Variants in HDAC9 observed in about 807,000 individuals in gnomAD.
HDAC9 encodes histone deacetylase 9.
Under a neutral mutation model 139.4 loss-of-function variants are expected in HDAC9, and 41 were observed. That is an observed-to-expected ratio of 0.29 (90% CI 0.23 to 0.38). The LOEUF (loss-of-function observed/expected upper bound fraction) is 0.38. HDAC9 is among the 10% of genes least tolerant of loss of function. The probability of loss-of-function intolerance (pLI) is 1.00; values close to 1 mark genes in which losing one functional copy is unlikely to be tolerated. For missense variants in HDAC9, 1,147 were observed against 1,297.0 expected, an observed-to-expected ratio of 0.88 and a Z score of 1.78; for synonymous variants, 517 against 476.2, an observed-to-expected ratio of 1.09 and a Z score of -1.12.
At chr7:18,386,814 C>A (rs1191447716) in intron 1 of HDAC9, among the ~76,000 whole-genome samples, 3 of 152,208 alleles carry the variant, frequency 2.0e-5, no homozygotes, top group African/African-American at 7.2e-5. Context: ...CATTTCAGCT[C>A]TTTTACTGAA....
chr7:18,702,152 C>G lies in HDAC9; in HGVS notation c.1732-25428C>G, dbSNP rs137865528. Among the ~76,000 whole-genome samples, 504 of 152,292 alleles carry G rather than the reference C, an allele frequency of 3.3e-3. 2 individuals are homozygous for G. The highest frequency in any genetic ancestry group is 0.014 in the Middle Eastern group (4 of 294). On this transcript the variant is annotated intron_variant, in intron 12 of 25. Coordinates refer to ENST00000686413, the MANE Select transcript of HDAC9 (RefSeq NM_178425.4). ...GATCTCGCTGACCCGTGAAAAGGGACAGGCTGTCGCTTGTGCCAGACCCAT... is the reference window on the plus strand; with the variant it reads ...GATCTCGCTGACCCGTGAAAAGGGAGAGGCTGTCGCTTGTGCCAGACCCAT...
At chr7:18,391,349 C>A (rs942988449) in intron 1 of HDAC9, among the ~76,000 whole-genome samples, 2 of 151,678 alleles carry the variant, frequency 1.3e-5, no homozygotes, top group African/African-American at 4.8e-5. Flanking sequence ...CGTGCCACTG[C>A]ATTCCAGCCT....
At chr7:18,766,023 T>A (rs1327328840) in intron 15 of HDAC9, among the ~76,000 whole-genome samples, 1 of 152,230 alleles carries the variant, frequency 6.6e-6, no homozygotes, top group Non-Finnish European at 1.5e-5. Flanking sequence ...CAAAACAAAC[T>A]GTCTTCTGTG....
intron 2 of HDAC9, among the ~76,000 whole-genome samples, chr7:18,190,691 TAAAG>T (rs973304462): frequency 2.6e-5 from 4 of 152,178 alleles, no homozygotes; most frequent in Non-Finnish European, 5.9e-5. Flanking sequence ...TATATTGAAA[TAAAG>T]ATTGTTGCTT....
At chr7:18,439,942 A>G (rs1235406748) in intron 1 of HDAC9, among the ~76,000 whole-genome samples, 2 of 152,176 alleles carry the variant, frequency 1.3e-5, no homozygotes, top group African/African-American at 4.8e-5. Flanking sequence ...GATAGTAGAT[A>G]TTACTTCACT....
At chr7:18,972,592 G>GC (rs1784314491) in intron 24 of HDAC9, among the ~76,000 whole-genome samples, 1 of 151,972 alleles carries the variant, frequency 6.6e-6, no homozygotes. Flanking sequence ...TGTTGGCCAG[G>GC]CTGGTCTCAA....
At chr7:18,807,632 C>T (rs3910828) in intron 17 of HDAC9, among the ~76,000 whole-genome samples, 6,210 of 152,030 alleles carry the variant, frequency 0.041, 151 homozygotes, top group Admixed American at 0.061. Context: ...ATTGTGTGTT[C>T]ATTTTCATTT....
chr7:18,145,358 T>C (rs957627215), intron 1 of HDAC9, among the ~76,000 whole-genome samples: 2 of 152,150 alleles, frequency 1.3e-5, no homozygotes, highest in Non-Finnish European at 2.9e-5. Context: ...TGTAATGGCA[T>C]TGGGTGCAGT....
intron 25 of HDAC9, among the ~76,000 whole-genome samples, chr7:18,984,832 A>T (rs1324733141): frequency 1.3e-5 from 2 of 152,134 alleles, no homozygotes; most frequent in Non-Finnish European, 2.9e-5. Context: ...GAGTAATGGT[A>T]CTGTTAGAAA....
chr7:18,550,769 G>A (rs951560826), intron 2 of HDAC9, among the ~76,000 whole-genome samples: 3 of 152,176 alleles, frequency 2.0e-5, no homozygotes, highest in Non-Finnish European at 4.4e-5. Flanking sequence ...GATCAGAGTG[G>A]CTGGAGTAGA....
intron 17 of HDAC9, among the ~76,000 whole-genome samples, chr7:18,813,092 G>A (rs1794307292): frequency 6.6e-6 from 1 of 151,734 alleles, no homozygotes; most frequent in East Asian, 1.9e-4. Flanking sequence ...TTATTTTTCA[G>A]ATTTTTGTCT....
chr7:18,955,769 G>A (rs1254489938), intron 24 of HDAC9, among the ~76,000 whole-genome samples: 1 of 152,126 alleles, frequency 6.6e-6, no homozygotes, highest in Admixed American at 6.6e-5. Context: ...AACTGGGGGT[G>A]AGAGGGACTG....
At chr7:18,216,872 C>T (rs1041703601) in intron 2 of HDAC9, among the ~76,000 whole-genome samples, 1 of 152,020 alleles carries the variant, frequency 6.6e-6, no homozygotes, top group Non-Finnish European at 1.5e-5. Context: ...TACACTGCCA[C>T]CTATAATATT....
At chr7:18,340,297 G>A (rs1331171428) in intron 1 of HDAC9, among the ~76,000 whole-genome samples, 2 of 151,356 alleles carry the variant, frequency 1.3e-5, no homozygotes, top group African/African-American at 4.8e-5. Flanking sequence ...GCATATAATT[G>A]GATTTTTAAT....
Position 18,634,635 on chromosome 7 carries a change from G to T in HDAC9, c.805G>T (p.Val269Phe). The change falls in exon 8 of 26, where the codon GTC (valine) becomes TTC (phenylalanine). Residue 269 changes from valine to phenylalanine, a missense_variant. Coordinates refer to ENST00000686413, the MANE Select transcript of HDAC9 (RefSeq NM_178425.4). ...TTCACAATATTTTTCAGAATCCTCA[G>T]TCAGTAGCAGTTCTCCAGGCTCTGG... ...KRMFEVTESS[V>F]SSSSPGSGPS... is the part of the protein sequence containing the mutation. 2 of 1,574,746 alleles carry T rather than the reference G, an allele frequency of 1.3e-6. No homozygotes were observed. Among genetic ancestry groups the T allele is most frequent in the Non-Finnish European group, 1.7e-6 (2 of 1,156,908 alleles).
chr7:18,331,006 A>G (rs959650742), intron 1 of HDAC9, among the ~76,000 whole-genome samples: 1 of 151,712 alleles, frequency 6.6e-6, no homozygotes, highest in African/African-American at 2.4e-5. Flanking sequence ...ATACAATTTG[A>G]GTTGACCAAT....
At chr7:18,114,313 C>G (rs1467808512) in intron 1 of HDAC9, among the ~76,000 whole-genome samples, 1 of 152,202 alleles carries the variant, frequency 6.6e-6, no homozygotes, top group African/African-American at 2.4e-5. Context: ...CCACCCTTGG[C>G]TACAATAGAG....
rs73685121 is a variant in HDAC9, at chr7:18,594,144, C to T, written c.664+115C>T. On this transcript the variant is annotated intron_variant, in intron 6 of 25. Transcript: ENST00000686413. ...TTTGAGTCGTAGATAATATACCTCC[C>T]CACCCCTGCCCCCAGCATAAGCAAA... The T allele has an allele frequency of 8.3e-4, 812 of 977,976 alleles. 4 individuals carry two copies. The African/African-American group carries it at 0.012, about 14-fold the overall frequency. 60.6% of individuals were successfully genotyped at this position (977,976 alleles called of 1,614,324 possible). A position where few individuals can be genotyped will look rare whatever the true frequency, so the allele number is the denominator to read the frequency against.
chr7:18,214,618 G>C (rs1457344786), intron 2 of HDAC9, among the ~76,000 whole-genome samples: 1 of 152,034 alleles, frequency 6.6e-6, no homozygotes, highest in Non-Finnish European at 1.5e-5. Context: ...GTAAGCACTT[G>C]TGTGATATGA....
Sources: gnomAD v4.1 joint callset for allele counts (sites outside exome capture counted in the v4.1 genomes callset) on GRCh38, gnomAD v4.1.1 for gene constraint, MANE v1.5 for transcripts, NCBI Gene and HGNC (gene_info 2026-07-23, HGNC 2026-07-21) for gene names.